PLAAT1: variants seen among roughly 807,000 people sequenced by gnomAD.
The protein encoded by PLAAT1 is phospholipase A and acyltransferase 1.
A neutral mutation model predicts 16.4 loss-of-function variants in PLAAT1; 13 were observed. That is an observed-to-expected ratio of 0.79 (90% CI 0.52 to 1.26). The LOEUF (loss-of-function observed/expected upper bound fraction) is 1.26. Among genes scored for constraint, PLAAT1 ranks in the 50% most tolerant of loss-of-function variants. PLAAT1 has a pLI of 0.00. For missense variants in PLAAT1, 218 were observed against 207.8 expected (o/e 1.05, Z -0.30); for synonymous variants, 73 against 78.4 (o/e 0.93, Z 0.36).
At chr3:193,243,957 A>G (rs772368043) in intron 1 of PLAAT1, among the ~76,000 whole-genome samples, 9 of 152,244 alleles carry the variant, frequency 5.9e-5, no homozygotes, top group Non-Finnish European at 7.3e-5. Context: ...TAAAAATGGA[A>G]TGATATAGTG....
chr3:193,242,459 TTGGAAATGGGCATTC>T (rs1286932471), intron 1 of PLAAT1, among the ~76,000 whole-genome samples: 8 of 152,060 alleles, frequency 5.3e-5, no homozygotes, highest in Non-Finnish European at 1.2e-4. Context: ...TTTGGGGCAC[TTGGAAATGGGCATTC>T]TGGGTAGAAG....
At chr3:193,275,362 G>T (rs569769091), downstream of PLAAT1, 48 of 1,575,172 alleles carry the variant, frequency 3.0e-5, no homozygotes, top group Admixed American at 2.1e-4. Flanking sequence ...CAGCCAGGCC[G>T]CTGGCCACCA....
chr3:193,246,459 C>T (rs746378288), intron 1 of PLAAT1, among the ~76,000 whole-genome samples: 4 of 152,096 alleles, frequency 2.6e-5, no homozygotes, highest in Admixed American at 1.3e-4. Context: ...CCACCCGCAT[C>T]GAGCTCAAGC....
intron 1 of PLAAT1, 135 bp from the exon 2 acceptor site, chr3:193,255,516 G>A (rs558082707): frequency 1.4e-5 from 11 of 787,020 alleles, no homozygotes; most frequent in Non-Finnish European, 2.1e-5. Flanking sequence ...AAAAGGACAG[G>A]GTCGTGATTC....
At chr3:193,268,266 A>C (rs1190701047) in intron 3 of PLAAT1, among the ~76,000 whole-genome samples, 4 of 152,204 alleles carry the variant, frequency 2.6e-5, no homozygotes, top group Admixed American at 2.6e-4. Flanking sequence ...ACAGGAACAC[A>C]TCCTGATGGT....
downstream of PLAAT1, chr3:193,275,414 A>C (rs1717149826): frequency 3.2e-6 from 4 of 1,231,276 alleles, no homozygotes; most frequent in South Asian, 5.8e-5. Flanking sequence ...AGGTGTGCTC[A>C]TTGCTGTTGC....
At chr3:193,253,724 CAAGTT>C (rs1308434260) in intron 1 of PLAAT1, among the ~76,000 whole-genome samples, 2 of 152,100 alleles carry the variant, frequency 1.3e-5, no homozygotes, top group Non-Finnish European at 2.9e-5. Flanking sequence ...AACACCTAGT[CAAGTT>C]ATTTTCCCTT....
chr3:193,255,679 A>G lies in PLAAT1; in HGVS notation c.29A>G (p.Asn10Ser). The G allele has an allele frequency of 6.2e-7, 1 of 1,611,930 alleles. No homozygotes were observed. The highest frequency in any genetic ancestry group is 8.5e-7 in the Non-Finnish European group (1 of 1,178,706). The change falls in exon 2 of 4, where the codon AAC (asparagine) becomes AGC (serine). Residue 10 changes from asparagine (N) to serine (S), a missense_variant. Coordinates refer to ENST00000264735, the MANE Select transcript of PLAAT1 (RefSeq NM_020386.5). MAFNDCFSL[N>S]YPGNPCPGDL... is the part of the protein sequence containing the mutation. ...GCGTTTAATGATTGCTTCAGTTTGA[A>G]CTACCCTGGCAACCCCTGCCCAGGG... is the stretch of plus-strand genomic sequence containing the variant.
At chr3:193,256,669 A>G (rs530332240) in intron 2 of PLAAT1, among the ~76,000 whole-genome samples, 8 of 152,320 alleles carry the variant, frequency 5.3e-5, no homozygotes, top group African/African-American at 1.9e-4. Context: ...AAATGAACAT[A>G]AAGGTATTGT....
intron 1 of PLAAT1, among the ~76,000 whole-genome samples, chr3:193,251,665 A>G (rs1716195406): frequency 6.6e-6 from 1 of 152,188 alleles, no homozygotes; most frequent in African/African-American, 2.4e-5. Context: ...GGACCATGCT[A>G]GGAGTTGGGT....
At chr3:193,275,430 C>T, downstream of PLAAT1, 1 of 1,047,490 alleles carries the variant, frequency 9.5e-7, no homozygotes. Flanking sequence ...GTTGCATCTA[C>T]CTCTCCTTTC....
intron 1 of PLAAT1, among the ~76,000 whole-genome samples, chr3:193,243,421 C>T (rs1445573209): frequency 2.0e-5 from 3 of 152,174 alleles, no homozygotes; most frequent in Non-Finnish European, 2.9e-5. Context: ...CCGGAAACTC[C>T]GCAACTGGAA....
intron 1 of PLAAT1, among the ~76,000 whole-genome samples, chr3:193,241,846 T>A (rs1442855488): frequency 6.6e-6 from 1 of 152,218 alleles, no homozygotes; most frequent in Non-Finnish European, 1.5e-5. Context: ...GAAAGTTGGA[T>A]GGTGATATTC....
intron 2 of PLAAT1, among the ~76,000 whole-genome samples, chr3:193,258,371 A>AC (rs1716456130): frequency 6.6e-6 from 1 of 152,280 alleles, no homozygotes; most frequent in Non-Finnish European, 1.5e-5. Context: ...AAAAGAACAG[A>AC]CCAACCCCAA....
chr3:193,251,124 G>T (rs1185116928), intron 1 of PLAAT1, among the ~76,000 whole-genome samples: 1 of 152,144 alleles, frequency 6.6e-6, no homozygotes, highest in Admixed American at 6.5e-5. Context: ...AAAGATACAG[G>T]AATGCCCTTT....
At chr3:193,257,240 A>G (rs1359681241) in intron 2 of PLAAT1, among the ~76,000 whole-genome samples, 1 of 152,196 alleles carries the variant, frequency 6.6e-6, no homozygotes, top group Non-Finnish European at 1.5e-5. Context: ...CCCCATGTTC[A>G]TCGCTGGACT....
At chr3:193,262,164 A>G (rs185804982) in intron 2 of PLAAT1, among the ~76,000 whole-genome samples, 36 of 152,210 alleles carry the variant, frequency 2.4e-4, no homozygotes, top group African/African-American at 8.7e-4. Context: ...AAGTACTGAC[A>G]TTGTCAGGCC....
chr3:193,255,113 G>A (rs2108788759), intron 1 of PLAAT1, among the ~76,000 whole-genome samples: 1 of 152,260 alleles, frequency 6.6e-6, no homozygotes, highest in East Asian at 1.9e-4. Flanking sequence ...AAGGTTGAAA[G>A]ACTTCTGATC....
chr3:193,258,181 G>A (rs887910878), intron 2 of PLAAT1, among the ~76,000 whole-genome samples: 2 of 152,146 alleles, frequency 1.3e-5, no homozygotes. Flanking sequence ...AAAATGAAAT[G>A]AGGGCAGAAA....
Sources: allele counts gnomAD v4.1 joint callset (sites outside exome capture counted in the v4.1 genomes callset), GRCh38; gene constraint gnomAD v4.1.1; transcripts MANE v1.5; gene names NCBI Gene and HGNC (gene_info 2026-07-23, HGNC 2026-07-21).